The following DISP1 variants were observed in gnomAD, a reference collection of about 807,000 sequenced individuals.
DISP1 encodes the protein protein dispatched homolog 1.
A neutral mutation model predicts 37.3 loss-of-function variants in DISP1; 30 were observed. That is an observed-to-expected ratio of 0.80 (90% confidence interval 0.60 to 1.09). The LOEUF (loss-of-function observed/expected upper bound fraction) is 1.09. DISP1 is among the 50% of genes least tolerant of loss of function. DISP1 has a pLI of 0.00. For synonymous variants in DISP1, 634 were observed against 690.2 expected (o/e 0.92, Z 1.28); for missense variants, 1,598 against 1,879.5 (o/e 0.85, Z 2.77).
chr1:222,922,014 G>A (rs1181297684), intron 1 of DISP1, among the ~76,000 whole-genome samples: 1 of 152,216 alleles, frequency 6.6e-6, no homozygotes, highest in Non-Finnish European at 1.5e-5. Flanking sequence ...TTTGCTGTGT[G>A]TTGTGAAGAA....
intron 3 of DISP1, among the ~76,000 whole-genome samples, chr1:222,978,953 A>G (rs111562652): frequency 0.01 from 1,554 of 152,142 alleles, 27 homozygotes; most frequent in African/African-American, 0.035. Flanking sequence ...GTCCGGTAGC[A>G]TGATGCCTCC....
intron 1 of DISP1, among the ~76,000 whole-genome samples, chr1:222,851,939 C>T (rs1476803351): frequency 1.3e-5 from 2 of 152,116 alleles, no homozygotes; most frequent in Non-Finnish European, 2.9e-5. Flanking sequence ...AATCCCAGTA[C>T]TTTGGGAGGC....
At chr1:222,842,895 A>C (rs1278961534) in intron 1 of DISP1, among the ~76,000 whole-genome samples, 1 of 152,064 alleles carries the variant, frequency 6.6e-6, no homozygotes, top group South Asian at 2.1e-4. Context: ...TGACAGTGTA[A>C]CAGTAGATCT....
chr1:222,875,327 A>T (rs554448356), intron 1 of DISP1, among the ~76,000 whole-genome samples: 1 of 152,206 alleles, frequency 6.6e-6, no homozygotes, highest in African/African-American at 2.4e-5. Flanking sequence ...AAATAATTAA[A>T]CAAAAATTTT....
chr1:222,932,914 T>C (rs934372326), intron 2 of DISP1, among the ~76,000 whole-genome samples: 9 of 152,010 alleles, frequency 5.9e-5, no homozygotes, highest in Non-Finnish European at 8.8e-5. Flanking sequence ...TGATATCATT[T>C]ACCTGAGATT....
At chr1:222,935,395 GTT>G (rs909116625) in intron 2 of DISP1, among the ~76,000 whole-genome samples, 17 of 152,174 alleles carry the variant, frequency 1.1e-4, no homozygotes, top group African/African-American at 3.6e-4. Context: ...ACAGAATACA[GTT>G]TATCAGAAAG....
At chr1:222,993,554 G>A (rs772345254) in intron 7 of DISP1, among the ~76,000 whole-genome samples, 10 of 152,078 alleles carry the variant, frequency 6.6e-5, no homozygotes, top group Non-Finnish European at 1.0e-4. Context: ...CACTTACTCT[G>A]TATAGTAATA....
intron 3 of DISP1, among the ~76,000 whole-genome samples, chr1:222,974,479 C>T (rs1572667761): frequency 6.6e-6 from 1 of 152,114 alleles, no homozygotes; most frequent in Non-Finnish European, 1.5e-5. Context: ...TTATAAAGTA[C>T]GTAGTATTTA....
At chr1:222,817,727 C>T (rs1032826386) in intron 1 of DISP1, among the ~76,000 whole-genome samples, 6 of 152,154 alleles carry the variant, frequency 3.9e-5, no homozygotes, top group African/African-American at 1.4e-4. Context: ...GACCTTTTCT[C>T]CAATAGTGAC....
intron 3 of DISP1, among the ~76,000 whole-genome samples, chr1:222,982,263 C>T (rs1196119614): frequency 6.6e-6 from 1 of 152,204 alleles, no homozygotes; most frequent in Non-Finnish European, 1.5e-5. Context: ...TGGCTTTACA[C>T]ACATCTGTAG....
At chr1:222,991,777 T>C (rs1678712962) in intron 6 of DISP1, 130 bp downstream of exon 6, 1 of 1,100,558 alleles carries the variant, frequency 9.1e-7, no homozygotes, top group African/African-American at 1.6e-5. Flanking sequence ...CTGAATTTGC[T>C]TAACTTGTCA....
At chr1:222,928,956 T>C (rs1673234313) in intron 2 of DISP1, among the ~76,000 whole-genome samples, 1 of 152,158 alleles carries the variant, frequency 6.6e-6, no homozygotes, top group Non-Finnish European at 1.5e-5. Context: ...CATTACCAGG[T>C]GATAGAAAAA....
chr1:222,972,373 G>A (rs1033650966), intron 3 of DISP1, among the ~76,000 whole-genome samples: 1 of 151,878 alleles, frequency 6.6e-6, no homozygotes, highest in Non-Finnish European at 1.5e-5. Context: ...CTTCCCTTTA[G>A]CATTTCCCCT....
At position 222,942,737 on chromosome 1, in the gene DISP1, T is replaced by G. The variant is rs1228719696; in HGVS notation, c.-17-70T>G. ...ATTTTCAATGAGCTGTTTTTAAATA[T>G]CATACTTGTCTTTCCTACATATTTG... is the stretch of plus-strand genomic sequence containing the variant. On this transcript the variant is annotated intron_variant, in intron 2 of 8. Transcript: ENST00000675850. 3.8e-6 allele frequency: 6 copies of G among 1,569,066 alleles called. No individual in the cohort carries two copies. In the African/African-American group the frequency reaches 8.1e-5, roughly 21 times the overall value.
chr1:222,908,010 T>G (rs1672000206), intron 1 of DISP1, among the ~76,000 whole-genome samples: 1 of 152,184 alleles, frequency 6.6e-6, no homozygotes, highest in Non-Finnish European at 1.5e-5. Context: ...CAGGGATGAT[T>G]AATCATTGGA....
intron 3 of DISP1, chr1:222,945,701 G>A (rs1674719081): frequency 6.6e-6 from 1 of 152,174 alleles, no homozygotes; most frequent in African/African-American, 2.4e-5. Context: ...TGGGGTCATT[G>A]TTGGAACTGG....
intron 4 of DISP1, chr1:222,989,320 A>C (rs1678516253): frequency 1.0e-6 from 1 of 967,858 alleles, no homozygotes; most frequent in Non-Finnish European, 1.2e-6. Context: ...GTGGTCCACA[A>C]GTTAAATATT....
chr1:222,906,499 CAAGA>C (rs746390562), intron 1 of DISP1, among the ~76,000 whole-genome samples: 11 of 152,208 alleles, frequency 7.2e-5, no homozygotes, highest in Non-Finnish European at 1.0e-4. Flanking sequence ...GAGGTCCGCA[CAAGA>C]TACTGGTCAT....
chr1:222,962,096 C>A (rs1676109307), intron 3 of DISP1, among the ~76,000 whole-genome samples: 1 of 152,104 alleles, frequency 6.6e-6, no homozygotes, highest in Admixed American at 6.6e-5. Context: ...TCTCAGCATA[C>A]AAAATCAACG....
Sources: gnomAD v4.1 joint callset for allele counts (sites outside exome capture counted in the v4.1 genomes callset) on GRCh38, gnomAD v4.1.1 for gene constraint, MANE v1.5 for transcripts, NCBI Gene and HGNC (gene_info 2026-07-23, HGNC 2026-07-21) for gene names.